The following RNF130 variants were observed in gnomAD, a reference collection of about 807,000 sequenced individuals.
RNF130 encodes the protein E3 ubiquitin-protein ligase RNF130.
Under a neutral mutation model 44.6 loss-of-function variants are expected in RNF130, and 21 were observed. That is an observed-to-expected ratio of 0.47 (90% confidence interval 0.33 to 0.68). RNF130 has a LOEUF of 0.68. Among genes scored for constraint, RNF130 ranks in the 30% least tolerant of loss-of-function variants. RNF130 has a pLI of 0.02. For missense variants in RNF130, 479 were observed against 560.6 expected (o/e 0.85, Z 1.47); for synonymous variants, 214 against 210.4 (o/e 1.02, Z -0.15).
chr5:179,927,445 C>T (rs1031385966), intron 7 of RNF130, among the ~76,000 whole-genome samples: 3 of 152,102 alleles, frequency 2.0e-5, no homozygotes, highest in African/African-American at 7.2e-5. Context: ...AGAGAATATA[C>T]CTACAAAATA....
intron 3 of RNF130, among the ~76,000 whole-genome samples, chr5:180,004,120 G>A (rs1763410548): frequency 6.6e-6 from 1 of 152,184 alleles, no homozygotes; most frequent in South Asian, 2.1e-4. Context: ...GAATTAAGGG[G>A]AGGAACGATC....
intron 8 of RNF130, among the ~76,000 whole-genome samples, chr5:179,957,583 A>G (rs1762237830): frequency 6.6e-6 from 1 of 152,186 alleles, no homozygotes; most frequent in African/African-American, 2.4e-5. Flanking sequence ...AGTCAAATGC[A>G]AGCAGTTTAA....
chr5:180,043,773 G>C (rs6884565), intron 1 of RNF130, among the ~76,000 whole-genome samples: 121,470 of 152,002 alleles, frequency 0.8, 48,752 homozygotes, highest in South Asian at 0.93. Context: ...ATAAGCAAAA[G>C]AATGTTCCTG....
chr5:179,952,249 AAG>A (rs1317932313), downstream of RNF130, among the ~76,000 whole-genome samples: 1 of 152,160 alleles, frequency 6.6e-6, no homozygotes, highest in Non-Finnish European at 1.5e-5. Context: ...TAGAGAATAG[AAG>A]AGAGAAAAAT....
chr5:179,962,197 C>T (rs1172174292), intron 8 of RNF130, among the ~76,000 whole-genome samples: 1 of 152,210 alleles, frequency 6.6e-6, no homozygotes, highest in African/African-American at 2.4e-5. Flanking sequence ...TGCAGTGCTC[C>T]TCTGAAGGCT....
intron 7 of RNF130, among the ~76,000 whole-genome samples, chr5:179,946,035 C>T (rs1486058873): frequency 6.6e-6 from 1 of 152,232 alleles, no homozygotes; most frequent in East Asian, 1.9e-4. Context: ...AGTCTCAGTT[C>T]CCCTGTGCTT....
intron 3 of RNF130, among the ~76,000 whole-genome samples, chr5:179,994,703 T>A (rs1315698240): frequency 1.3e-5 from 2 of 152,090 alleles, no homozygotes; most frequent in Non-Finnish European, 2.9e-5. Context: ...TGGGGTGGCA[T>A]GAGCAATGGT....
At chr5:180,023,375 T>C (rs984782058) in intron 2 of RNF130, among the ~76,000 whole-genome samples, 1 of 152,120 alleles carries the variant, frequency 6.6e-6, no homozygotes, top group Admixed American at 6.5e-5. Flanking sequence ...CACTCTCCAA[T>C]AAACAGAAAC....
intron 1 of RNF130, among the ~76,000 whole-genome samples, chr5:180,048,643 C>T (rs1027501898): frequency 3.3e-5 from 5 of 152,116 alleles, no homozygotes; most frequent in Non-Finnish European, 7.4e-5. Context: ...ATCTCAAAAA[C>T]GGGAAGAGGG....
intron 2 of RNF130, among the ~76,000 whole-genome samples, chr5:180,027,341 A>C (rs1187298964): frequency 6.6e-6 from 1 of 152,224 alleles, no homozygotes; most frequent in East Asian, 1.9e-4. Context: ...TAACACATTG[A>C]TGAGCCTGGA....
chr5:179,944,357 CA>C (rs1030502470), intron 7 of RNF130, among the ~76,000 whole-genome samples: 1 of 152,186 alleles, frequency 6.6e-6, no homozygotes, highest in African/African-American at 2.4e-5. Context: ...TTAAGATTTT[CA>C]TGATGGAAAC....
At chr5:179,949,606 C>T (rs755181188) in intron 7 of RNF130, among the ~76,000 whole-genome samples, 17 of 152,126 alleles carry the variant, frequency 1.1e-4, no homozygotes, top group Non-Finnish European at 2.4e-4. Flanking sequence ...ATTTTAATCT[C>T]GAATTTTTTA....
In RNF130 at chr5:180,056,584, G is replaced by T. The variant is rs149481905; in HGVS notation, c.247+14872C>A. 3.4e-4 allele frequency among the ~76,000 whole-genome samples: 52 copies of T among 152,322 alleles called. No individual in the cohort carries two copies. The East Asian group carries it at 7.9e-3, about 23-fold the overall frequency. On this transcript the variant is annotated intron_variant, in intron 1 of 8. Coordinates refer to ENST00000521389, the MANE Select transcript of RNF130 (RefSeq NM_018434.6). ...GACAGCAAACACTAGAGGAGGAAAA[G>T]ATTAGGAAAGATGAACCATGTTGGA...
intron 1 of RNF130, among the ~76,000 whole-genome samples, chr5:180,041,044 C>A (rs946815671): frequency 6.6e-6 from 1 of 151,920 alleles, no homozygotes; most frequent in Non-Finnish European, 1.5e-5. Context: ...CTAGCCTCTC[C>A]ACACACCGCC....
At position 180,055,334 on chromosome 5, in the gene RNF130, G is replaced by A. The variant is rs540725430; in HGVS notation, c.248-14687C>T. On this transcript the variant is annotated intron_variant, in intron 1 of 8. Coordinates refer to ENST00000521389, the MANE Select transcript of RNF130 (RefSeq NM_018434.6). Reference sequence around the variant, plus strand: ...TGCAATTTTTTTTTTCTTTGAGAAGGAGTCACTCTGAGCCACCATGCCCAG... The same window carrying A: ...TGCAATTTTTTTTTTCTTTGAGAAGAAGTCACTCTGAGCCACCATGCCCAG... Among the ~76,000 whole-genome samples the A allele has an allele frequency of 2.0e-5, 3 of 149,016 alleles. No individual in the cohort carries two copies. The South Asian group carries it at 6.4e-4, about 32-fold the overall frequency.
At chr5:179,996,430 C>T (rs180853438) in intron 3 of RNF130, among the ~76,000 whole-genome samples, 29 of 152,276 alleles carry the variant, frequency 1.9e-4, no homozygotes, top group Middle Eastern at 3.4e-3. Flanking sequence ...AGCTTTTCCA[C>T]GTTCAGTATG....
chr5:180,055,248 CAAAAAA>C (rs1205914690), intron 1 of RNF130, among the ~76,000 whole-genome samples: 1 of 20,978 alleles, frequency 4.8e-5, no homozygotes, highest in African/African-American at 3.4e-4. Flanking sequence ...GGTTCTGTCT[CAAAAAA>C]AAAAAAAAAA....
chr5:179,965,341 G>C (rs958013727), intron 7 of RNF130, among the ~76,000 whole-genome samples: 1 of 152,216 alleles, frequency 6.6e-6, no homozygotes. Flanking sequence ...CCAGGGCTTC[G>C]GAGGGAAAGC....
intron 8 of RNF130, among the ~76,000 whole-genome samples, chr5:179,962,485 G>C (rs1267042946): frequency 6.6e-6 from 1 of 152,142 alleles, no homozygotes; most frequent in Admixed American, 6.5e-5. Context: ...TGGAGATCAC[G>C]TGAATTCCAC....
Sources: allele counts gnomAD v4.1 joint callset (sites outside exome capture counted in the v4.1 genomes callset), GRCh38; gene constraint gnomAD v4.1.1; transcripts MANE v1.5; gene names NCBI Gene and HGNC (gene_info 2026-07-23, HGNC 2026-07-21).